TRPM1: variants seen among roughly 807,000 people sequenced by gnomAD.
TRPM1 encodes the protein transient receptor potential cation channel subfamily M member 1.
In TRPM1, 113 loss-of-function variants were observed where a neutral mutation model predicts 149.4. That is an observed-to-expected ratio of 0.76 (90% CI 0.65 to 0.88). The LOEUF is 0.88. TRPM1 is among the 40% of genes least tolerant of loss of function. The pLI, the probability that TRPM1 is intolerant of heterozygous loss-of-function variation, is 0.00. For synonymous variants in TRPM1, 741 were observed against 759.5 expected (o/e 0.98, Z 0.40); for missense variants, 1,976 against 2,038.7 (o/e 0.97, Z 0.59).
chr15:31,091,500 C>A (rs1362819214), intron 1 of TRPM1, among the ~76,000 whole-genome samples: 1 of 152,202 alleles, frequency 6.6e-6, no homozygotes, highest in African/African-American at 2.4e-5. Context: ...GATGGAGACC[C>A]AGGATGGGGC....
rs1387942684 is a variant in TRPM1, at chr15:31,027,180, G to A, written c.3294-63C>T. 1.1e-5 allele frequency: 17 copies of A among 1,507,740 alleles called. No homozygotes were observed. In the East Asian group the frequency reaches 3.7e-4, roughly 33 times the overall value. 93.4% of individuals were successfully genotyped at this position (1,507,740 alleles called of 1,614,324 possible). On this transcript the variant is annotated intron_variant, in intron 25 of 27. Coordinates refer to ENST00000256552, the MANE Select transcript of TRPM1 (RefSeq NM_001252024.2). The stretch of plus-strand genomic sequence containing the variant: ...CTTTTTATAGTGATTTCCCAGAGCA[G>A]TCAAAGTTACTCACATTTAAGTGAA...
chr15:31,067,442 C>T (rs1033825010), intron 5 of TRPM1, among the ~76,000 whole-genome samples: 2 of 152,154 alleles, frequency 1.3e-5, no homozygotes, highest in Non-Finnish European at 2.9e-5. Flanking sequence ...TTACAGATGT[C>T]TAAGGCCTAA....
At chr15:31,026,032 G>T in intron 27 of TRPM1, 107 bp downstream of exon 27, 2 of 1,488,108 alleles carry the variant, frequency 1.3e-6, no homozygotes, top group South Asian at 1.1e-5. Context: ...TAAAACAGGA[G>T]AACTCGGAGT....
At chr15:31,089,732 A>AG (rs1005341165) in intron 1 of TRPM1, among the ~76,000 whole-genome samples, 20 of 152,194 alleles carry the variant, frequency 1.3e-4, no homozygotes, top group African/African-American at 4.8e-4. Context: ...CAAGGCCTGG[A>AG]GCTTGCTTTA....
In TRPM1 at chr15:31,002,635, T is replaced by C. The variant is rs1404190983; in HGVS notation, c.4065A>G (p.Ser1355=). 6.2e-7 allele frequency: 1 copy of C among 1,614,252 alleles called. No homozygotes were observed. The highest frequency in any genetic ancestry group is 1.3e-5 in the African/African-American group (1 of 75,066). Residue 1355 remains serine, a synonymous_variant, in exon 28 of 28, where the codon TCA becomes TCG. Transcript: ENST00000256552. The part of the protein sequence containing the change: ...SLHLSLGTST[S]ATPDGSHLAV... ...CAAGGTGACTGCCATCTGGGGTTGC[T>C]GATGTGCTTGTGCCCAGTGAAAGGT... is the stretch of plus-strand genomic sequence containing the variant.
At position 31,149,675 on chromosome 15, in the gene TRPM1, G is replaced by A. The variant is rs540156404; in HGVS notation, c.54+11231C>T. On this transcript the variant is annotated intron_variant, in intron 1 of 26. Coordinates refer to the TRPM1 transcript ENST00000542188. ...GCTGGGACTACAAGCACCCGCCACCGCGCCTGGCTAATTTTTTGTATTTTT... is the reference window on the plus strand; with the variant it reads ...GCTGGGACTACAAGCACCCGCCACCACGCCTGGCTAATTTTTTGTATTTTT... Among the ~76,000 whole-genome samples, 317 of 152,120 alleles carry A rather than the reference G, an allele frequency of 2.1e-3. 3 individuals are homozygous for A. The highest frequency in any genetic ancestry group is 3.2e-3 in the Non-Finnish European group (216 of 67,968).
At chr15:31,113,304 G>A (rs1028681048) in intron 1 of TRPM1, among the ~76,000 whole-genome samples, 1 of 152,176 alleles carries the variant, frequency 6.6e-6, no homozygotes, top group Admixed American at 6.5e-5. Context: ...TCTCCAGGAA[G>A]AGTGCTGCCT....
intron 4 of TRPM1, chr15:31,069,521 G>C (rs2034472893): frequency 1.8e-6 from 2 of 1,130,838 alleles, no homozygotes; most frequent in South Asian, 3.9e-5. Flanking sequence ...CAGAGCTGAA[G>C]CCTCCCCCAC....
chr15:31,024,088 A>G (rs2032638784), intron 27 of TRPM1, among the ~76,000 whole-genome samples: 1 of 152,206 alleles, frequency 6.6e-6, no homozygotes, highest in Non-Finnish European at 1.5e-5. Context: ...AGCTACCAAG[A>G]CAACAGGGAG....
intron 21 of TRPM1, among the ~76,000 whole-genome samples, chr15:31,035,215 G>T (rs879809183): frequency 5.3e-5 from 8 of 152,296 alleles, no homozygotes; most frequent in Admixed American, 5.2e-4. Flanking sequence ...TGTTGGCCAG[G>T]CTGGTTTCGA....
Position 31,001,847 on chromosome 15 carries a change from T to G in TRPM1, c.4853A>C (p.Lys1618Thr), listed in dbSNP as rs759788501. The G allele has an allele frequency of 5.0e-6, 8 of 1,612,726 alleles. No individual in the cohort carries two copies. The South Asian group carries it at 8.8e-5, about 18-fold the overall frequency. The change falls in exon 28 of 28, where the codon AAA becomes ACA. Residue 1618 changes from lysine (K) to threonine (T), a missense_variant. Physicochemically the swap from Lys to Thr is moderately conservative, Grantham distance 78. Around this residue, in one of 3 missense-constraint regions of TRPM1, gnomAD observed 572 missense variants for 578.9 expected, o/e 0.99. Coordinates refer to ENST00000256552, the MANE Select transcript of TRPM1 (RefSeq NM_001252024.2). ...CTAGCATTCAGTTTCTGTGGAAGCT[T>G]TCTCTTTCTTAACCTTTTTTTCTTC... ...TAEEKKVKKE[K>T]ASTETEC is the part of the protein sequence containing the mutation.
chr15:31,113,846 A>C (rs2035756815), intron 1 of TRPM1, among the ~76,000 whole-genome samples: 1 of 152,156 alleles, frequency 6.6e-6, no homozygotes, highest in Non-Finnish European at 1.5e-5. Flanking sequence ...CAGCAAAACA[A>C]CGACGCTCCC....
At chr15:31,147,981 C>T (rs1019103593) in intron 1 of TRPM1, among the ~76,000 whole-genome samples, 1 of 151,876 alleles carries the variant, frequency 6.6e-6, no homozygotes, top group Non-Finnish European at 1.5e-5. Context: ...ATTGCTGGGA[C>T]CAATTAAAAT....
At chr15:31,069,464 T>G (rs1169936598) in intron 4 of TRPM1, 1 of 1,033,212 alleles carries the variant, frequency 9.7e-7, no homozygotes, top group African/African-American at 1.7e-5. Context: ...AAAAAGTCTG[T>G]GACTGGGCAT....
chr15:31,031,867 A>G (rs1241641235), intron 22 of TRPM1, among the ~76,000 whole-genome samples: 2 of 152,152 alleles, frequency 1.3e-5, no homozygotes, highest in East Asian at 1.9e-4. Context: ...ATCATGGTCT[A>G]ATCACATGGA....
chr15:31,068,605 G>T (rs751362367), intron 4 of TRPM1, among the ~76,000 whole-genome samples: 1 of 152,018 alleles, frequency 6.6e-6, no homozygotes, highest in Non-Finnish European at 1.5e-5. Context: ...TTAGCCAGGT[G>T]TGGTAGCGCA....
intron 19 of TRPM1, 51 bp from the exon 20 acceptor site, chr15:31,037,893 C>T (rs1466926953): frequency 6.2e-7 from 1 of 1,613,726 alleles, no homozygotes; most frequent in Admixed American, 1.7e-5. Context: ...ATGGGAAATG[C>T]AAGGCACTCC....
Position 31,046,236 on chromosome 15 carries a change from G to A in TRPM1, c.1765-3C>T. 6.2e-7 allele frequency: 1 copy of A among 1,610,860 alleles called. No individual in the cohort carries two copies. The highest frequency in any genetic ancestry group is 1.1e-5 in the South Asian group (1 of 91,066). On this transcript the variant is annotated splice_region_variant and splice_polypyrimidine_tract_variant and intron_variant, in intron 15 of 27. Coordinates refer to ENST00000256552, the MANE Select transcript of TRPM1 (RefSeq NM_001252024.2). ...CCCAGAAGTTTAAGAGCTTTAGGCT[G>A]CATGGTGAAAGAGGAAGAAAAAAAA...
chr15:31,060,642 T>C lies in TRPM1; in HGVS notation c.1165A>G (p.Thr389Ala), dbSNP rs773431618. 20 of 1,613,818 alleles carry C rather than the reference T, an allele frequency of 1.2e-5. No homozygotes were observed. The East Asian group carries it at 4.5e-4, about 36-fold the overall frequency. The change falls in exon 11 of 28, where the codon ACA becomes GCA. Residue 389 changes from threonine to alanine, a missense_variant and splice_region_variant. Coordinates refer to ENST00000256552, the MANE Select transcript of TRPM1 (RefSeq NM_001252024.2). The stretch of plus-strand genomic sequence containing the variant: ...AGCTGATCTGGAGCAGATACGTTTG[T>C]TCCTGGAAAGGCAAGAAACCGGAAT... ...MAILTALLKGTNVSAPDQLSL... is the reference protein window; with the variant it reads ...MAILTALLKGANVSAPDQLSL...
Sources: allele counts gnomAD v4.1 joint callset (sites outside exome capture counted in the v4.1 genomes callset), GRCh38; gene constraint gnomAD v4.1.1; regional missense constraint gnomAD v4.1.1; transcripts MANE v1.5; gene names NCBI Gene and HGNC (gene_info 2026-07-23, HGNC 2026-07-21).